Variants in PCDH15 observed in about 807,000 individuals in gnomAD.
The protein encoded by PCDH15 is protocadherin related 15, also known as protocadherin-15.
In PCDH15, 129 loss-of-function variants were observed where a neutral mutation model predicts 178.5. The ratio of observed to expected loss-of-function variants is 0.72; its 90% CI spans 0.63 to 0.84. The LOEUF (loss-of-function observed/expected upper bound fraction) is 0.84. Among genes scored for constraint, PCDH15 ranks in the 40% least tolerant of loss-of-function variants. The pLI, the probability that PCDH15 is intolerant of heterozygous loss-of-function variation, is 0.00. For synonymous variants in PCDH15, 800 were observed against 732.0 expected (o/e 1.09, Z -1.50); for missense variants, 2,230 against 2,099.9 (o/e 1.06, Z -1.21).
intron 1 of PCDH15, among the ~76,000 whole-genome samples, chr10:54,778,700 A>G (rs962695971): frequency 6.6e-5 from 10 of 152,138 alleles, no homozygotes; most frequent in Non-Finnish European, 1.2e-4. Flanking sequence ...TAATTCTAAA[A>G]GAGTTTCTCT....
intron 9 of PCDH15, among the ~76,000 whole-genome samples, chr10:54,231,135 A>G (rs1189665756): frequency 6.6e-6 from 1 of 152,188 alleles, no homozygotes; most frequent in Non-Finnish European, 1.5e-5. Context: ...TTTCTCCACC[A>G]TAGGCCTTGA....
intron 2 of PCDH15, among the ~76,000 whole-genome samples, chr10:55,607,112 G>T (rs1186205428): frequency 1.3e-5 from 2 of 152,120 alleles, no homozygotes; most frequent in Non-Finnish European, 2.9e-5. Flanking sequence ...TTTCTCAAAA[G>T]AAGACATTTA....
At position 54,973,776 on chromosome 10, in the gene PCDH15, C is replaced by T. The variant is rs1378265105; in HGVS notation, c.-79-76276G>A. Among the ~76,000 whole-genome samples the T allele has an allele frequency of 3.9e-5, 6 of 152,168 alleles. No homozygotes were observed. The South Asian group carries it at 8.3e-4, about 21-fold the overall frequency. ...AGCTAGATCTGGAAAAAGAAACAACCTCTATCATGGAATAAATAACCCAAA... is the reference window on the plus strand; with the variant it reads ...AGCTAGATCTGGAAAAAGAAACAACTTCTATCATGGAATAAATAACCCAAA... On this transcript the variant is annotated intron_variant, in intron 2 of 5. Coordinates refer to the PCDH15 transcript ENST00000458638.
chr10:54,751,632 T>G (rs1946236412), intron 1 of PCDH15, among the ~76,000 whole-genome samples: 2 of 152,182 alleles, frequency 1.3e-5, no homozygotes, highest in African/African-American at 4.8e-5. Context: ...TCTAGAAAAT[T>G]TCAAAGTTCA....
chr10:54,421,709 C>T (rs1589317042), intron 3 of PCDH15, among the ~76,000 whole-genome samples: 1 of 120,312 alleles, frequency 8.3e-6, no homozygotes, highest in East Asian at 2.1e-4. Context: ...CACACACACA[C>T]ACTATATATA....
At chr10:55,208,726 C>T (rs1282874674) in intron 1 of PCDH15, among the ~76,000 whole-genome samples, 1 of 151,942 alleles carries the variant, frequency 6.6e-6, no homozygotes, top group East Asian at 1.9e-4. Flanking sequence ...TTCCTACATA[C>T]CCCTGGGATG....
At position 54,103,553 on chromosome 10, in the gene PCDH15, G is replaced by C. The variant is rs567958980; in HGVS notation, c.1918-13490C>G. On this transcript the variant is annotated intron_variant, in intron 15 of 37. Coordinates refer to ENST00000644397, the MANE Select transcript of PCDH15 (RefSeq NM_001384140.1). ...CATAAATCTCTTTTGCAAAGCACTG[G>C]TCAAGGGTATATCTTCAGGACCCAC... Among the ~76,000 whole-genome samples, 3 of 152,244 alleles carry C rather than the reference G, an allele frequency of 2.0e-5. No individual in the cohort carries two copies. In the East Asian group the frequency reaches 5.8e-4, roughly 30 times the overall value.
chr10:54,309,168 A>G (rs2060738280), intron 8 of PCDH15, among the ~76,000 whole-genome samples: 2 of 152,048 alleles, frequency 1.3e-5, no homozygotes, highest in South Asian at 4.1e-4. Context: ...GACATTATTA[A>G]CAATATGCTG....
rs2082443435 is a variant in PCDH15 at position 53,903,258 on chromosome 10, A to G, written c.3486T>C (p.Ser1162=). 1 of 1,612,944 alleles carries G rather than the reference A, an allele frequency of 6.2e-7. No homozygotes were observed. Among genetic ancestry groups the G allele is most frequent in the African/African-American group, 1.3e-5 (1 of 74,906 alleles). ...GVSEDARMFT[S]VLRVKATDKD... Reference sequence around the variant, plus strand: ...TTCCGCATACCTTCACTCTGAGTACAGAAGTAAACATTCTTGCATCTTCAG... The same window carrying G: ...TTCCGCATACCTTCACTCTGAGTACGGAAGTAAACATTCTTGCATCTTCAG... The change falls in exon 26 of 38, where the codon TCT becomes TCC. Residue 1162 remains serine (S), a synonymous_variant. Transcript: ENST00000644397.
chr10:55,136,486 G>GA lies in PCDH15; in HGVS notation c.-80+30089dup, dbSNP rs199615950. Among the ~76,000 whole-genome samples the GA allele has an allele frequency of 1.3e-3, 195 of 151,076 alleles. 1 individual carries two copies. The highest frequency in any genetic ancestry group is 3.9e-3 in the African/African-American group (162 of 41,254). On this transcript the variant is annotated intron_variant, in intron 2 of 5. Transcript: ENST00000458638. Reference sequence around the variant, plus strand: ...TGAGGGTGTCATTTCCTTTCTAAAGGAAAAAAAAGAGTATTATAGAAGATG... The same window carrying GA: ...TGAGGGTGTCATTTCCTTTCTAAAGGAAAAAAAAAGAGTATTATAGAAGATG...
At chr10:55,467,372 AC>A (rs1839852676) in intron 2 of PCDH15, among the ~76,000 whole-genome samples, 1 of 89,956 alleles carries the variant, frequency 1.1e-5, no homozygotes. Context: ...TCTTGGCCTG[AC>A]TTTTTTTTTT....
At chr10:54,787,061 T>C (rs1167917082) in intron 1 of PCDH15, among the ~76,000 whole-genome samples, 1 of 151,850 alleles carries the variant, frequency 6.6e-6, no homozygotes, top group African/African-American at 2.4e-5. Context: ...ACTTTGAAGG[T>C]ATCATCTTTA....
intron 3 of PCDH15, among the ~76,000 whole-genome samples, chr10:54,390,207 CCAT>C (rs1171583201): frequency 6.6e-6 from 1 of 152,160 alleles, no homozygotes; most frequent in Non-Finnish European, 1.5e-5. Context: ...ATTTTGTTGT[CCAT>C]TGTCTAACGT....
intron 11 of PCDH15, among the ~76,000 whole-genome samples, chr10:54,187,215 A>G (rs560906623): frequency 2.6e-5 from 4 of 152,024 alleles, no homozygotes; most frequent in African/African-American, 9.6e-5. Context: ...TTCAAATCTC[A>G]TCATTCTCTA....
At chr10:55,611,609 A>T (rs1843366169) in intron 2 of PCDH15, among the ~76,000 whole-genome samples, 1 of 151,620 alleles carries the variant, frequency 6.6e-6, no homozygotes, top group Non-Finnish European at 1.5e-5. Flanking sequence ...TCTCAAAAAT[A>T]AAAAAAATAT....
chr10:53,810,711 G>C (rs372136726), intron 36 of PCDH15, 47 bp from the exon 37 acceptor site: 38 of 1,502,622 alleles, frequency 2.5e-5, no homozygotes, highest in Non-Finnish European at 3.4e-5. Context: ...TGTGATTTCT[G>C]TAGAATCTAC....
At chr10:54,626,189 C>T (rs768320485) in intron 2 of PCDH15, among the ~76,000 whole-genome samples, 1 of 152,116 alleles carries the variant, frequency 6.6e-6, no homozygotes. Flanking sequence ...GGAGGCAGAA[C>T]ATGAATATTC....
At chr10:53,859,180 C>T (rs1453059193) in intron 27 of PCDH15, among the ~76,000 whole-genome samples, 1 of 152,070 alleles carries the variant, frequency 6.6e-6, no homozygotes, top group Non-Finnish European at 1.5e-5. Flanking sequence ...TTCCCTGAAG[C>T]TCCCATCATC....
chr10:54,592,455 T>C (rs752663468), intron 2 of PCDH15, among the ~76,000 whole-genome samples: 1 of 152,108 alleles, frequency 6.6e-6, no homozygotes, highest in Non-Finnish European at 1.5e-5. Flanking sequence ...TATGCATACA[T>C]TGTGAAATGA....
Sources: allele counts gnomAD v4.1 joint callset (sites outside exome capture counted in the v4.1 genomes callset), GRCh38; gene constraint gnomAD v4.1.1; transcripts MANE v1.5; gene names NCBI Gene and HGNC (gene_info 2026-07-23, HGNC 2026-07-21).